The following PDE7A variants were observed in gnomAD, a reference collection of about 807,000 sequenced individuals.
PDE7A encodes the protein high affinity 3',5'-cyclic-AMP phosphodiesterase 7A.
A neutral mutation model predicts 64.3 loss-of-function variants in PDE7A; 39 were observed. The ratio of observed to expected loss-of-function variants is 0.61; its 90% CI spans 0.47 to 0.79. PDE7A has a LOEUF of 0.79. PDE7A is among the 30% of genes least tolerant of loss of function. PDE7A has a pLI of 0.00. For synonymous variants in PDE7A, 203 were observed against 206.8 expected, an observed-to-expected ratio of 0.98 and a Z score of 0.16; for missense variants, 470 against 582.8, an observed-to-expected ratio of 0.81 and a Z score of 1.99.
In PDE7A at chr8:65,841,439, G is replaced by A; in HGVS notation, c.70C>T (p.Arg24Ter). The A allele has an allele frequency of 6.4e-7, 1 of 1,564,042 alleles. No individual in the cohort carries two copies. The highest frequency in any genetic ancestry group is 8.6e-7 in the Non-Finnish European group (1 of 1,160,162). ...CTGGAGCTGAAGCTGATGGCTCCTC[G>A]GCGGCTGAGGACGTGCTGGGGGACC... is the stretch of plus-strand genomic sequence containing the variant. ...RPVPQHVLSRRGAISFSSSSA... is the reference protein window; with the variant it reads ...RPVPQHVLSR The change falls in exon 1 of 13, where the codon CGA becomes TGA. Residue 24 changes from arginine to a stop codon, truncating the protein, a stop_gained. Coordinates refer to ENST00000401827, the MANE Select transcript of PDE7A (RefSeq NM_001242318.3). LOFTEE classifies it high-confidence loss of function.
At chr8:65,791,749 C>T (rs891641683) in intron 1 of PDE7A, among the ~76,000 whole-genome samples, 3 of 152,192 alleles carry the variant, frequency 2.0e-5, no homozygotes, top group Non-Finnish European at 2.9e-5. Context: ...TGAGTTTATG[C>T]CTGAAGTCGT....
chr8:65,766,592 G>A (rs1307705067), intron 3 of PDE7A, among the ~76,000 whole-genome samples: 1 of 152,154 alleles, frequency 6.6e-6, no homozygotes, highest in Non-Finnish European at 1.5e-5. Context: ...ACCACTCTAT[G>A]GTCAGCCCAG....
intron 3 of PDE7A, among the ~76,000 whole-genome samples, chr8:65,753,659 C>T (rs899808545): frequency 6.6e-6 from 1 of 152,138 alleles, no homozygotes; most frequent in African/African-American, 2.4e-5. Flanking sequence ...TATAGTGTTG[C>T]TCAGGTGCTC....
At chr8:65,775,727 G>A (rs370298687) in intron 3 of PDE7A, among the ~76,000 whole-genome samples, 9 of 152,076 alleles carry the variant, frequency 5.9e-5, no homozygotes, top group South Asian at 2.1e-4. Flanking sequence ...TCCCAGGTTC[G>A]AGTGATTCTC....
chr8:65,836,700 C>T (rs566659196), intron 1 of PDE7A, among the ~76,000 whole-genome samples: 40 of 152,186 alleles, frequency 2.6e-4, no homozygotes, highest in Non-Finnish European at 4.1e-4. Context: ...TACCTCTGCT[C>T]TGCCAATTGA....
chr8:65,830,411 T>A (rs1810788481), intron 1 of PDE7A, among the ~76,000 whole-genome samples: 1 of 152,040 alleles, frequency 6.6e-6, no homozygotes, highest in Non-Finnish European at 1.5e-5. Flanking sequence ...GAAGAATGGG[T>A]GCTACTGCTA....
chr8:65,724,845 A>G lies in PDE7A; in HGVS notation c.997T>C (p.Phe333Leu). Residue 333 changes from phenylalanine to leucine, a missense_variant, in exon 10 of 13, where the codon TTT (phenylalanine) becomes CTT (leucine). Physicochemically the swap from Phe to Leu is conservative, Grantham distance 22 (BLOSUM62 0). Coordinates refer to ENST00000401827, the MANE Select transcript of PDE7A (RefSeq NM_001242318.3). ...ISRQNEYLSL[F>L]RSHLDRGDLC... ...TCACCTCTATCCAAATGGGACCTAA[A>G]CAAAGACAGATACTCATTCTGGCGA... The G allele has an allele frequency of 2.5e-6, 4 of 1,612,024 alleles. No individual in the cohort carries two copies. The highest frequency in any genetic ancestry group is 3.4e-6 in the Non-Finnish European group (4 of 1,178,462).
At chr8:65,829,917 T>G (rs1465750960) in intron 1 of PDE7A, among the ~76,000 whole-genome samples, 3 of 152,220 alleles carry the variant, frequency 2.0e-5, no homozygotes, top group East Asian at 3.9e-4. Context: ...GTCCACAAAT[T>G]GGGTCATGTA....
chr8:65,828,054 A>G (rs879164812), intron 1 of PDE7A, among the ~76,000 whole-genome samples: 5 of 152,170 alleles, frequency 3.3e-5, no homozygotes, highest in Admixed American at 2.6e-4. Flanking sequence ...TAAAAATTCC[A>G]CTTATATGAT....
intron 3 of PDE7A, among the ~76,000 whole-genome samples, chr8:65,774,812 A>C (rs1261102931): frequency 3.9e-5 from 6 of 152,260 alleles, no homozygotes; most frequent in Admixed American, 3.3e-4. Flanking sequence ...ATTTAATGAG[A>C]AACGTCCGGC....
intron 1 of PDE7A, chr8:65,789,000 T>C: frequency 6.3e-7 from 1 of 1,596,578 alleles, no homozygotes; most frequent in Non-Finnish European, 8.6e-7. Flanking sequence ...CAAGGAAAAC[T>C]TCTTAGGAGT....
At chr8:65,749,683 T>C (rs1293181149) in intron 3 of PDE7A, among the ~76,000 whole-genome samples, 2 of 152,226 alleles carry the variant, frequency 1.3e-5, no homozygotes, top group Non-Finnish European at 2.9e-5. Flanking sequence ...TGCCCCACTT[T>C]ACACATGAGA....
Position 65,719,064 on chromosome 8 carries a change from C to G in PDE7A, c.*226G>C. ...TCTCTCCTGCTGGGCTTTGCATATT[C>G]AAGGTTTCACATGAAAGCCAAATTC... On this transcript the variant is annotated 3_prime_UTR_variant, in exon 13 of 13. Coordinates refer to ENST00000401827, the MANE Select transcript of PDE7A (RefSeq NM_001242318.3). The G allele has an allele frequency of 1.8e-6, 1 of 560,158 alleles. No homozygotes were observed. Among genetic ancestry groups the G allele is most frequent in the Non-Finnish European group, 3.2e-6 (1 of 313,238 alleles). 34.7% of individuals were successfully genotyped at this position (560,158 alleles called of 1,614,324 possible). A position where few individuals can be genotyped will look rare whatever the true frequency, so the allele number is the denominator to read the frequency against.
intron 12 of PDE7A, chr8:65,722,734 C>T (rs772344923): frequency 1.1e-4 from 17 of 152,186 alleles, no homozygotes; most frequent in Non-Finnish European, 1.0e-4. Flanking sequence ...TTAGTTCACT[C>T]AACACACAGT....
chr8:65,732,109 A>C (rs1410631134), intron 7 of PDE7A, among the ~76,000 whole-genome samples: 1 of 151,710 alleles, frequency 6.6e-6, no homozygotes, highest in African/African-American at 2.4e-5. Context: ...AGGGATTCTC[A>C]TGTCTCAGCC....
intron 1 of PDE7A, among the ~76,000 whole-genome samples, chr8:65,840,173 C>T (rs187415991): frequency 2.6e-5 from 4 of 152,278 alleles, no homozygotes; most frequent in Admixed American, 1.3e-4. Context: ...TAATATTATT[C>T]TAAATGACAC....
At chr8:65,812,025 G>A (rs942871214) in intron 1 of PDE7A, among the ~76,000 whole-genome samples, 1 of 151,486 alleles carries the variant, frequency 6.6e-6, no homozygotes, top group African/African-American at 2.4e-5. Context: ...TGGGCAACAT[G>A]GCAAAACCCC....
intron 5 of PDE7A, among the ~76,000 whole-genome samples, chr8:65,741,669 T>A (rs1198627661): frequency 6.6e-6 from 1 of 152,240 alleles, no homozygotes; most frequent in Non-Finnish European, 1.5e-5. Context: ...CGAGTCCATG[T>A]GGTGTGGAGC....
At chr8:65,798,193 TA>T (rs1397603225) in intron 1 of PDE7A, among the ~76,000 whole-genome samples, 3 of 22,034 alleles carry the variant, frequency 1.4e-4, no homozygotes, top group African/African-American at 4.4e-4. Context: ...TATATATATA[TA>T]TATATATATA....
Sources: allele counts gnomAD v4.1 joint callset (sites outside exome capture counted in the v4.1 genomes callset), GRCh38; gene constraint gnomAD v4.1.1; transcripts MANE v1.5; gene names NCBI Gene and HGNC (gene_info 2026-07-23, HGNC 2026-07-21).